The following SLC39A11 variants were observed in gnomAD, a reference collection of about 807,000 sequenced individuals.
SLC39A11 encodes the protein solute carrier family 39 member 11.
In SLC39A11, 33 loss-of-function variants were observed where a neutral mutation model predicts 36.1. That is an observed-to-expected ratio of 0.91 (90% confidence interval 0.69 to 1.22). The LOEUF (loss-of-function observed/expected upper bound fraction) is 1.22. Among genes scored for constraint, SLC39A11 ranks in the 50% most tolerant of loss-of-function variants. The probability of loss-of-function intolerance (pLI) is 0.00; values close to 1 mark genes in which losing one functional copy is unlikely to be tolerated. For synonymous variants in SLC39A11, 166 were observed against 170.3 expected, an observed-to-expected ratio of 0.97 and a Z score of 0.20; for missense variants, 432 against 430.3, an observed-to-expected ratio of 1.00 and a Z score of -0.03.
At chr17:72,678,397 T>C (rs2071366300) in intron 7 of SLC39A11, among the ~76,000 whole-genome samples, 1 of 151,966 alleles carries the variant, frequency 6.6e-6, no homozygotes, top group African/African-American at 2.4e-5. Context: ...GGAGGGATGT[T>C]CTCCTTGCTT....
At chr17:72,754,833 A>C (rs1049743612) in intron 6 of SLC39A11, among the ~76,000 whole-genome samples, 5 of 152,220 alleles carry the variant, frequency 3.3e-5, no homozygotes, top group Non-Finnish European at 7.3e-5. Flanking sequence ...TGGTGTGAGC[A>C]AAAGGGAGTG....
At chr17:72,894,181 G>A (rs1399421439) in intron 5 of SLC39A11, among the ~76,000 whole-genome samples, 37 of 151,642 alleles carry the variant, frequency 2.4e-4, no homozygotes, top group Non-Finnish European at 4.4e-5. Context: ...GACCAACATG[G>A]TGAAACCCCA....
chr17:73,005,286 C>A (rs1490527788), intron 4 of SLC39A11, among the ~76,000 whole-genome samples: 7 of 152,156 alleles, frequency 4.6e-5, no homozygotes, highest in African/African-American at 1.7e-4. Context: ...CCCACACACA[C>A]AACGTTTTGT....
chr17:72,972,483 T>C (rs974065118), intron 4 of SLC39A11, among the ~76,000 whole-genome samples: 2 of 152,224 alleles, frequency 1.3e-5, no homozygotes, highest in African/African-American at 4.8e-5. Flanking sequence ...AGAGGCTGTC[T>C]GCTTATGAGG....
chr17:72,775,471 A>G (rs1354809572), intron 6 of SLC39A11, among the ~76,000 whole-genome samples: 1 of 152,240 alleles, frequency 6.6e-6, no homozygotes. Context: ...ACAACTAGAC[A>G]AGGTGACTGG....
chr17:73,017,260 T>G (rs76383776), intron 4 of SLC39A11, among the ~76,000 whole-genome samples: 2,072 of 152,280 alleles, frequency 0.014, 22 homozygotes, highest in East Asian at 0.036. Context: ...AAGCAACTAT[T>G]TTCAGGGACT....
At chr17:72,824,167 T>C (rs1298921551) in intron 6 of SLC39A11, among the ~76,000 whole-genome samples, 3 of 151,256 alleles carry the variant, frequency 2.0e-5, no homozygotes, top group South Asian at 4.2e-4. Flanking sequence ...GACTGGATCA[T>C]AGGGTGGACT....
At chr17:72,898,051 A>C (rs1341440817) in intron 5 of SLC39A11, among the ~76,000 whole-genome samples, 2 of 152,144 alleles carry the variant, frequency 1.3e-5, no homozygotes, top group Non-Finnish European at 2.9e-5. Context: ...GTCACCAGTA[A>C]AGCCCAGGAT....
intron 3 of SLC39A11, among the ~76,000 whole-genome samples, chr17:73,063,619 AAAAATT>A (rs2059912255): frequency 1.3e-5 from 2 of 152,168 alleles, no homozygotes; most frequent in Non-Finnish European, 2.9e-5. Context: ...ATCTCAAAAA[AAAAATT>A]AAAATTAAAA....
At chr17:73,077,934 T>C (rs141275755) in intron 3 of SLC39A11, among the ~76,000 whole-genome samples, 271 of 152,326 alleles carry the variant, frequency 1.8e-3, no homozygotes, top group Non-Finnish European at 2.8e-3. Flanking sequence ...AATCTTACAA[T>C]AGCTTCTGAT....
At chr17:72,842,101 T>TGTGTGC (rs1038886075) in intron 6 of SLC39A11, among the ~76,000 whole-genome samples, 2 of 151,054 alleles carry the variant, frequency 1.3e-5, no homozygotes, top group African/African-American at 2.4e-5. Flanking sequence ...TGTGTGTGTG[T>TGTGTGC]GCACGCACGC....
At chr17:72,893,243 G>T (rs1476317587) in intron 5 of SLC39A11, among the ~76,000 whole-genome samples, 1 of 152,108 alleles carries the variant, frequency 6.6e-6, no homozygotes, top group African/African-American at 2.4e-5. Context: ...CAGGCAGATT[G>T]CGAGGTCAAG....
At chr17:72,912,069 T>G (rs1454589763) in intron 5 of SLC39A11, among the ~76,000 whole-genome samples, 1 of 152,100 alleles carries the variant, frequency 6.6e-6, no homozygotes, top group Non-Finnish European at 1.5e-5. Context: ...GCTGCAGGCA[T>G]GAAAGATGTT....
intron 4 of SLC39A11, among the ~76,000 whole-genome samples, chr17:72,977,293 G>A (rs1017449455): frequency 2.0e-5 from 3 of 152,182 alleles, no homozygotes; most frequent in African/African-American, 2.4e-5. Context: ...CAGCCCTGCT[G>A]TATCCTGCCA....
chr17:72,649,823 C>A (rs1241908924), intron 7 of SLC39A11, among the ~76,000 whole-genome samples: 1 of 152,036 alleles, frequency 6.6e-6, no homozygotes, highest in South Asian at 2.1e-4. Flanking sequence ...CAACTCCTGA[C>A]CTCAAGTGAT....
At chr17:72,927,451 A>C (rs905132130) in intron 5 of SLC39A11, among the ~76,000 whole-genome samples, 1 of 152,194 alleles carries the variant, frequency 6.6e-6, no homozygotes, top group Non-Finnish European at 1.5e-5. Context: ...CATATTCTAA[A>C]AAGGACCTTG....
intron 5 of SLC39A11, among the ~76,000 whole-genome samples, chr17:72,899,608 G>A (rs1034152211): frequency 3.3e-5 from 5 of 152,108 alleles, no homozygotes; most frequent in African/African-American, 1.2e-4. Flanking sequence ...GCAAATCAAC[G>A]AACTGGGGAA....
At chr17:72,823,398 C>T (rs749964778) in intron 6 of SLC39A11, among the ~76,000 whole-genome samples, 1 of 151,080 alleles carries the variant, frequency 6.6e-6, no homozygotes, top group Admixed American at 6.6e-5. Flanking sequence ...ACATTGGTTC[C>T]GTGCATCAAT....
At chr17:73,046,711 G>T (rs2059305373) in intron 3 of SLC39A11, among the ~76,000 whole-genome samples, 1 of 152,110 alleles carries the variant, frequency 6.6e-6, no homozygotes, top group Admixed American at 6.5e-5. Flanking sequence ...GGAGGTCGAA[G>T]TGGGCAGATC....
Sources: gnomAD v4.1 joint callset for allele counts (sites outside exome capture counted in the v4.1 genomes callset) on GRCh38, gnomAD v4.1.1 for gene constraint, MANE v1.5 for transcripts, NCBI Gene and HGNC (gene_info 2026-07-23, HGNC 2026-07-21) for gene names.